The following CLIP1 variants were observed in gnomAD, a reference collection of about 807,000 sequenced individuals.
CLIP1 encodes CAP-Gly domain containing linker protein 1.
In CLIP1, 66 loss-of-function variants were observed where a neutral mutation model predicts 161.6. That is an observed-to-expected ratio of 0.41 (90% CI 0.33 to 0.50). CLIP1 has a LOEUF of 0.50. Among genes scored for constraint, CLIP1 ranks in the 20% least tolerant of loss-of-function variants. The probability of loss-of-function intolerance (pLI) is 0.27; values close to 1 mark genes in which losing one functional copy is unlikely to be tolerated. For synonymous variants in CLIP1, 598 were observed against 626.2 expected (o/e 0.96, Z 0.67); for missense variants, 1,376 against 1,702.0 (o/e 0.81, Z 3.37).
At chr12:122,314,718 C>T (rs1219338129) in intron 19 of CLIP1, among the ~76,000 whole-genome samples, 2 of 152,136 alleles carry the variant, frequency 1.3e-5, no homozygotes, top group African/African-American at 4.8e-5. Context: ...AACCTGGTGC[C>T]CCAAAGCCCT....
rs774556839 is a variant in CLIP1, at chr12:122,360,931, G to C, written c.1005+28C>G. ...GGGCCTTAATCCTGCCTGGGAAGTG[G>C]AGGCAGGTAGTGAGAAAGGGGCCTT... On this transcript the variant is annotated intron_variant, in intron 5 of 25. Coordinates refer to ENST00000620786, the MANE Select transcript of CLIP1 (RefSeq NM_001247997.2). The C allele has an allele frequency of 2.6e-6, 4 of 1,567,946 alleles. No individual in the cohort carries two copies. The South Asian group carries it at 4.5e-5, about 18-fold the overall frequency.
intron 1 of CLIP1, among the ~76,000 whole-genome samples, chr12:122,418,590 A>G (rs1956831645): frequency 6.6e-6 from 1 of 151,986 alleles, no homozygotes; most frequent in African/African-American, 2.4e-5. Flanking sequence ...TCATCTCTAC[A>G]GGAAAAAAAA....
intron 20 of CLIP1, among the ~76,000 whole-genome samples, chr12:122,296,760 AAGCTG>A (rs996498971): frequency 6.6e-6 from 1 of 151,688 alleles, no homozygotes; most frequent in Non-Finnish European, 1.5e-5. Context: ...GCTACTCAGG[AAGCTG>A]AGGCAGGAGG....
At chr12:122,403,504 T>G (rs1203798758) in intron 1 of CLIP1, among the ~76,000 whole-genome samples, 6 of 148,880 alleles carry the variant, frequency 4.0e-5, no homozygotes, top group African/African-American at 1.5e-4. Flanking sequence ...GTTTTGTTTT[T>G]TTTTTTTTTT....
In CLIP1 at chr12:122,364,797, C is replaced by T. The variant is rs560125748; in HGVS notation, c.658-690G>A. 1,261 of 1,039,854 alleles carry T rather than the reference C, an allele frequency of 1.2e-3. 3 individuals carry two copies. The highest frequency in any genetic ancestry group is 1.7e-3 in the Non-Finnish European group (1,181 of 692,018). 64.4% of individuals were successfully genotyped at this position (1,039,854 alleles called of 1,614,324 possible). On this transcript the variant is annotated intron_variant, in intron 3 of 25. Coordinates refer to ENST00000620786, the MANE Select transcript of CLIP1 (RefSeq NM_001247997.2). Reference sequence around the variant, plus strand: ...ATTCGCCAAAATGACGAACACAAAGCGAAAGAGGAGAGGCACCCGATATAT... The same window carrying T: ...ATTCGCCAAAATGACGAACACAAAGTGAAAGAGGAGAGGCACCCGATATAT...
intron 10 of CLIP1, 41 bp from the exon 11 acceptor site, chr12:122,341,738 A>C: frequency 1.6e-6 from 1 of 630,156 alleles, no homozygotes; most frequent in Non-Finnish European, 2.4e-6. Context: ...CATTTAAATA[A>C]CAAGTCATTG....
intron 15 of CLIP1, among the ~76,000 whole-genome samples, chr12:122,332,318 T>A (rs1470493058): frequency 6.6e-6 from 1 of 151,926 alleles, no homozygotes; most frequent in African/African-American, 2.4e-5. Flanking sequence ...AAAGCGTATA[T>A]GTATATATAC....
At chr12:122,391,428 A>G (rs1476460114) in intron 1 of CLIP1, among the ~76,000 whole-genome samples, 3 of 151,740 alleles carry the variant, frequency 2.0e-5, no homozygotes, top group African/African-American at 7.3e-5. Context: ...TCTACTAAAA[A>G]TACAAAAATT....
chr12:122,395,483 A>G (rs1423349905), intron 1 of CLIP1: 1 of 152,202 alleles, frequency 6.6e-6, no homozygotes, highest in Non-Finnish European at 1.5e-5. Context: ...AGGTCATGAC[A>G]ATGACCTCAC....
intron 20 of CLIP1, among the ~76,000 whole-genome samples, chr12:122,304,922 C>T (rs1950813745): frequency 6.6e-6 from 1 of 152,180 alleles, no homozygotes; most frequent in South Asian, 2.1e-4. Flanking sequence ...GCATTCATGT[C>T]TGGGAATTCA....
chr12:122,328,491 T>G, intron 15 of CLIP1, 65 bp from the exon 16 acceptor site: 1 of 861,140 alleles, frequency 1.2e-6, no homozygotes, highest in Non-Finnish European at 1.6e-6. Context: ...TAAGTTATAT[T>G]AAAATATACT....
intron 19 of CLIP1, among the ~76,000 whole-genome samples, chr12:122,313,988 C>G (rs567647953): frequency 6.6e-6 from 1 of 151,852 alleles, no homozygotes; most frequent in African/African-American, 2.4e-5. Flanking sequence ...GAAACCCCAT[C>G]TCTACTAAAA....
At chr12:122,360,923 G>A in intron 5 of CLIP1, 36 bp downstream of exon 5, 1 of 1,545,516 alleles carries the variant, frequency 6.5e-7, no homozygotes. Context: ...AATCCTGCCT[G>A]GGAAGTGGAG....
intron 4 of CLIP1, among the ~76,000 whole-genome samples, chr12:122,361,907 AC>A (rs1953841843): frequency 6.6e-6 from 1 of 152,104 alleles, no homozygotes; most frequent in Non-Finnish European, 1.5e-5. Flanking sequence ...TATTCATATA[AC>A]CAAACACCAT....
rs746143862 is a variant in CLIP1 at position 122,346,246 on chromosome 12, C to T, written c.1506+1129G>A. On this transcript the variant is annotated intron_variant, in intron 10 of 25. Transcript: ENST00000620786. ...TTAGGCAAGTTATTTAACTTCTCTG[C>T]GCCTCAGTGTTCTTGTCTGTAAAAT... is the stretch of plus-strand genomic sequence containing the variant. Among the ~76,000 whole-genome samples, 7 of 152,296 alleles carry T rather than the reference C, an allele frequency of 4.6e-5. No individual in the cohort carries two copies. The South Asian group carries it at 6.2e-4, about 14-fold the overall frequency.
At chr12:122,401,818 G>C (rs1229742544) in intron 1 of CLIP1, among the ~76,000 whole-genome samples, 1 of 151,714 alleles carries the variant, frequency 6.6e-6, no homozygotes, top group Non-Finnish European at 1.5e-5. Flanking sequence ...GACAGACATG[G>C]TGAAGCCAGT....
rs1955677282 is a variant in CLIP1 at position 122,282,269 on chromosome 12, G to A, written c.3648-3124C>T. On this transcript the variant is annotated intron_variant, in intron 21 of 25. Transcript: ENST00000620786. Reference sequence around the variant, plus strand: ...TTCCACTATGCAAACCACCAGGAGGGACTACATTAAACCATTGTCTATGCC... The same window carrying A: ...TTCCACTATGCAAACCACCAGGAGGAACTACATTAAACCATTGTCTATGCC... Among the ~76,000 whole-genome samples the A allele has an allele frequency of 2.0e-5, 3 of 152,224 alleles. No homozygotes were observed. In the South Asian group the frequency reaches 6.2e-4, roughly 32 times the overall value.
At position 122,290,866 on chromosome 12, in the gene CLIP1, T is replaced by A. The variant is rs550673974; in HGVS notation, c.3595-2325A>T. Among the ~76,000 whole-genome samples the A allele has an allele frequency of 1.8e-3, 274 of 150,908 alleles. 2 individuals carry two copies. The South Asian group carries it at 0.019, about 10-fold the overall frequency. ...AGTTTTATTTCTTTTTTCTTTTTTT[T>A]ATTTTTTTTTATTTTTTTTAGTTTT... On this transcript the variant is annotated intron_variant, in intron 20 of 25. Transcript: ENST00000620786.
rs542127968 is a variant in CLIP1 at position 122,389,412 on chromosome 12, C to T, written c.-106-8854G>A. ...ATCCAATACCAAACCAAAATTACAG[C>T]TGGTGCTTGCTACAGATGACACAAA... is the stretch of plus-strand genomic sequence containing the variant. On this transcript the variant is annotated intron_variant, in intron 1 of 25. Transcript: ENST00000620786. Among the ~76,000 whole-genome samples, 6 of 152,260 alleles carry T rather than the reference C, an allele frequency of 3.9e-5. No individual in the cohort carries two copies. In the South Asian group the frequency reaches 8.3e-4, roughly 21 times the overall value.
Sources: gnomAD v4.1 joint callset for allele counts (sites outside exome capture counted in the v4.1 genomes callset) on GRCh38, gnomAD v4.1.1 for gene constraint, MANE v1.5 for transcripts, NCBI Gene and HGNC (gene_info 2026-07-23, HGNC 2026-07-21) for gene names.